The following DCK variants were observed in gnomAD, a reference collection of about 807,000 sequenced individuals.
DCK encodes the protein deoxycytidine kinase.
A neutral mutation model predicts 38.3 loss-of-function variants in DCK; 23 were observed. That is an observed-to-expected ratio of 0.60 (90% confidence interval 0.43 to 0.85). The LOEUF is 0.85. DCK is among the 40% of genes least tolerant of loss of function. The probability of loss-of-function intolerance (pLI) is 0.00; values close to 1 mark genes in which losing one functional copy is unlikely to be tolerated. For missense variants in DCK, 259 were observed against 304.4 expected (o/e 0.85, Z 1.11); for synonymous variants, 108 against 100.6 (o/e 1.07, Z -0.44).
intron 2 of DCK, among the ~76,000 whole-genome samples, chr4:71,004,459 G>C (rs1449426338): frequency 1.3e-5 from 2 of 152,228 alleles, no homozygotes; most frequent in Non-Finnish European, 2.9e-5. Flanking sequence ...TGAGGATGCT[G>C]CCTGTCCTTT....
intron 2 of DCK, among the ~76,000 whole-genome samples, chr4:71,007,218 G>A (rs939332005): frequency 3.3e-5 from 5 of 152,084 alleles, no homozygotes; most frequent in African/African-American, 1.2e-4. Context: ...TCTGATTTTT[G>A]GGGAAAGGCA....
At chr4:71,016,209 A>G (rs1740257052) in intron 2 of DCK, among the ~76,000 whole-genome samples, 1 of 152,220 alleles carries the variant, frequency 6.6e-6, no homozygotes, top group South Asian at 2.1e-4. Context: ...TAAAATACCT[A>G]GGAATCCAAC....
chr4:71,007,073 A>G (rs890095067), intron 2 of DCK, among the ~76,000 whole-genome samples: 3 of 152,132 alleles, frequency 2.0e-5, no homozygotes, highest in Non-Finnish European at 4.4e-5. Flanking sequence ...TACACCTTCT[A>G]TTTGCCAGGC....
Position 70,993,656 on chromosome 4 carries a change from T to G in DCK, c.-180T>G, listed in dbSNP as rs1437314699. 1 of 554,898 alleles carries G rather than the reference T, an allele frequency of 1.8e-6. No homozygotes were observed. The highest frequency in any genetic ancestry group is 3.2e-6 in the Non-Finnish European group (1 of 314,858). The allele number at this position is 554,898 out of a possible 1,614,324, so 34.4% of individuals were successfully genotyped here. A position where few individuals can be genotyped will look rare whatever the true frequency, so the allele number is the denominator to read the frequency against. On this transcript the variant is annotated 5_prime_UTR_variant, in exon 1 of 7. Transcript: ENST00000286648. ...CCGCCCCGCAGGCCCGCCAGTGTCCTCAGCTGCCTCCGCGCGCCAAAGTCA... is the reference window on the plus strand; with the variant it reads ...CCGCCCCGCAGGCCCGCCAGTGTCCGCAGCTGCCTCCGCGCGCCAAAGTCA...
intron 1 of DCK, among the ~76,000 whole-genome samples, chr4:70,997,699 C>T (rs909538135): frequency 4.6e-5 from 7 of 152,196 alleles, no homozygotes; most frequent in South Asian, 2.1e-4. Flanking sequence ...TGTGTGTGCA[C>T]GCACACACAG....
chr4:71,016,476 G>A (rs1327117183), intron 2 of DCK, among the ~76,000 whole-genome samples: 1 of 152,134 alleles, frequency 6.6e-6, no homozygotes, highest in Non-Finnish European at 1.5e-5. Context: ...GCATTGCCAG[G>A]TAAATCCTAA....
chr4:71,022,454 T>TA lies in DCK; in HGVS notation c.296dup (p.Tyr99Ter). ...PERWSFTFQTYACLSRIRAQL... is the reference protein window; with the variant it reads ...PERWSFTFQT Reference sequence around the variant, plus strand: ...ACGATGGTCTTTTACCTTCCAAACATATGCCTGTCTCAGTCGAATAAGAGC... The same window carrying TA: ...ACGATGGTCTTTTACCTTCCAAACATAATGCCTGTCTCAGTCGAATAAGAGC... Residue 99 changes from tyrosine (Y) to a stop codon, truncating the protein, a stop_gained and frameshift_variant, in exon 3 of 7, where the codon TAT becomes TAAT. Transcript: ENST00000286648. LOFTEE classifies it high-confidence loss of function. 6.2e-7 allele frequency: 1 copy of TA among 1,611,240 alleles called. No individual in the cohort carries two copies. The highest frequency in any genetic ancestry group is 1.1e-5 in the South Asian group (1 of 90,376).
At chr4:70,995,215 A>C (rs1739634423) in intron 1 of DCK, among the ~76,000 whole-genome samples, 1 of 152,216 alleles carries the variant, frequency 6.6e-6, no homozygotes, top group South Asian at 2.1e-4. Flanking sequence ...ACTAGTATGG[A>C]ATCTCTGACA....
chr4:70,994,367 G>C (rs1739610777), intron 1 of DCK, among the ~76,000 whole-genome samples: 7 of 152,120 alleles, frequency 4.6e-5, no homozygotes, highest in Admixed American at 4.6e-4. Context: ...GTTCCTACCT[G>C]CTCCTTTGTA....
intron 2 of DCK, among the ~76,000 whole-genome samples, chr4:71,020,032 C>T (rs1333891655): frequency 6.6e-6 from 1 of 152,198 alleles, no homozygotes. Context: ...AGGTGATCTG[C>T]CTGCCTCGGC....
chr4:70,995,430 A>G (rs1739638673), intron 1 of DCK, among the ~76,000 whole-genome samples: 3 of 152,220 alleles, frequency 2.0e-5, no homozygotes, highest in African/African-American at 7.2e-5. Flanking sequence ...CCACAAAAAA[A>G]TTAAAAAATT....
intron 3 of DCK, among the ~76,000 whole-genome samples, chr4:71,023,265 T>C (rs1740473384): frequency 6.6e-6 from 1 of 152,206 alleles, no homozygotes. Flanking sequence ...TTATTTATGC[T>C]TCTGTATTTA....
chr4:70,997,206 T>A (rs1739679204), intron 1 of DCK, among the ~76,000 whole-genome samples: 1 of 152,200 alleles, frequency 6.6e-6, no homozygotes, highest in Non-Finnish European at 1.5e-5. Context: ...CCTTGGGTGC[T>A]ATTTCTGAAC....
intron 1 of DCK, among the ~76,000 whole-genome samples, chr4:70,995,015 A>T (rs1299729408): frequency 6.6e-6 from 1 of 152,216 alleles, no homozygotes; most frequent in Admixed American, 6.5e-5. Context: ...ATTTTTTAAA[A>T]TTCTTACCAC....
rs34763060 is a variant in DCK, at chr4:71,019,791, T to TA, written c.208-2573dup. Among the ~76,000 whole-genome samples, 1,304 of 151,800 alleles carry TA rather than the reference T, an allele frequency of 8.6e-3. 16 individuals carry two copies. Among genetic ancestry groups the TA allele is most frequent in the African/African-American group, 0.03 (1,228 of 41,412 alleles). ...GGTTGATATACCTTTTATTTTTTTT[T>TA]AAATTTATTTTTCTGAGATGAAGTC... is the stretch of plus-strand genomic sequence containing the variant. On this transcript the variant is annotated intron_variant, in intron 2 of 6. Coordinates refer to ENST00000286648, the MANE Select transcript of DCK (RefSeq NM_000788.3).
Position 71,029,563 on chromosome 4 carries a change from T to TC in DCK, c.*185_*186insC, listed in dbSNP as rs368603430. ...TTTGACCAGTTTCTTTTCTTTTGTT[T>TC]TTTTTTTAAAAAAGACATTTAAAGA... On this transcript the variant is annotated 3_prime_UTR_variant, in exon 7 of 7. Coordinates refer to ENST00000286648, the MANE Select transcript of DCK (RefSeq NM_000788.3). 1.2e-3 allele frequency: 703 copies of TC among 562,506 alleles called. 6 individuals carry two copies. In the African/African-American group the frequency reaches 0.013, roughly 10 times the overall value. 34.8% of individuals were successfully genotyped at this position (562,506 alleles called of 1,614,324 possible).
chr4:71,001,111 T>C (rs1739790732), intron 2 of DCK, among the ~76,000 whole-genome samples: 1 of 152,168 alleles, frequency 6.6e-6, no homozygotes, highest in Non-Finnish European at 1.5e-5. Flanking sequence ...AAGGGAATGG[T>C]ATCGGCTGTG....
chr4:71,019,370 G>A (rs995550301), intron 2 of DCK, among the ~76,000 whole-genome samples: 2 of 152,112 alleles, frequency 1.3e-5, no homozygotes, highest in African/African-American at 2.4e-5. Context: ...GAGGTATGTG[G>A]TCTTTTTTAG....
intron 6 of DCK, 60 bp from the exon 7 acceptor site, chr4:71,029,291 AT>A: frequency 8.9e-7 from 1 of 1,125,702 alleles, no homozygotes. Context: ...ATGAAGATGA[AT>A]ATTAGATACC....
Sources: gnomAD v4.1 joint callset for allele counts (sites outside exome capture counted in the v4.1 genomes callset) on GRCh38, gnomAD v4.1.1 for gene constraint, MANE v1.5 for transcripts, NCBI Gene and HGNC (gene_info 2026-07-23, HGNC 2026-07-21) for gene names.